DYRK1A: variants seen among roughly 807,000 people sequenced by gnomAD.
DYRK1A encodes dual specificity tyrosine phosphorylation regulated kinase 1A, also known as dual specificity tyrosine-phosphorylation-regulated kinase 1A.
Under a neutral mutation model 79.7 loss-of-function variants are expected in DYRK1A, and 9 were observed. The ratio of observed to expected loss-of-function variants is 0.11; its 90% CI spans 0.07 to 0.20. The LOEUF is 0.20. Among genes scored for constraint, DYRK1A ranks in the 10% least tolerant of loss-of-function variants. DYRK1A has a pLI of 1.00. For synonymous variants in DYRK1A, 349 were observed against 329.7 expected (o/e 1.06, Z -0.63); for missense variants, 622 against 956.0 (o/e 0.65, Z 4.61).
chr21:37,512,508 CAG>C lies in DYRK1A; in HGVS notation c.2245_2246del (p.Pro750CysfsTer3). The C allele has an allele frequency of 6.2e-7, 1 of 1,613,816 alleles. No homozygotes were observed. Among genetic ancestry groups the C allele is most frequent in the Non-Finnish European group, 8.5e-7 (1 of 1,179,708 alleles). On this transcript the variant is annotated frameshift_variant, in exon 12 of 12. Coordinates refer to ENST00000647188, the MANE Select transcript of DYRK1A (RefSeq NM_001347721.2). LOFTEE classifies it high-confidence loss of function. ...ESPMTGVCVQ[Q>X]SPVASS ...CCCCATGACAGGAGTTTGTGTGCAA[CAG>C]AGTCCTGTAGCTAGCTCGTGACTAC...
At chr21:37,464,297 G>A (rs1258101074) in intron 2 of DYRK1A, 1 of 500,996 alleles carries the variant, frequency 2.0e-6, no homozygotes. Flanking sequence ...TGGTAATATG[G>A]TCTCTAGTTA....
intron 2 of DYRK1A, among the ~76,000 whole-genome samples, chr21:37,428,388 ACCTTTTATGTAG>A (rs1261228884): frequency 6.6e-6 from 1 of 152,190 alleles, no homozygotes; most frequent in Non-Finnish European, 1.5e-5. Flanking sequence ...GATGGTGATG[ACCTTTTATGTAG>A]TGTAATATGT....
chr21:37,417,710 G>A (rs577165363), intron 1 of DYRK1A, among the ~76,000 whole-genome samples: 71 of 150,920 alleles, frequency 4.7e-4, no homozygotes, highest in Non-Finnish European at 8.3e-4. Flanking sequence ...CTGAAGATAC[G>A]CTGTAGATTA....
chr21:37,457,260 T>C (rs144851330), intron 2 of DYRK1A, among the ~76,000 whole-genome samples: 4 of 151,908 alleles, frequency 2.6e-5, no homozygotes, highest in African/African-American at 9.7e-5. Context: ...CAAGACAGAG[T>C]CTCACTCTGT....
intron 1 of DYRK1A, among the ~76,000 whole-genome samples, chr21:37,398,799 C>T (rs908537410): frequency 4.6e-5 from 7 of 152,024 alleles, no homozygotes; most frequent in South Asian, 2.1e-4. Flanking sequence ...AGCCCTACAA[C>T]CATAACAGGA....
intron 2 of DYRK1A, among the ~76,000 whole-genome samples, chr21:37,437,123 A>AGAG (rs1246926779): frequency 6.6e-6 from 1 of 152,214 alleles, no homozygotes; most frequent in Non-Finnish European, 1.5e-5. Flanking sequence ...GGTAGATGGT[A>AGAG]GAGGAGACTA....
At chr21:37,494,467 C>A (rs2053198259) in intron 8 of DYRK1A, among the ~76,000 whole-genome samples, 1 of 151,988 alleles carries the variant, frequency 6.6e-6, no homozygotes, top group Admixed American at 6.6e-5. Flanking sequence ...CAGCTACAGG[C>A]CCATAGCCCT....
rs2148668195 is a variant in DYRK1A, at chr21:37,515,239, T to C, written c.*2708T>C. ...GAAAAATGTAAACATAGTAAAAATC[T>C]TCCTATGCAATTAAACTGGTCCAGG... On this transcript the variant is annotated 3_prime_UTR_variant, in exon 12 of 12. Transcript: ENST00000647188. 1 of 152,796 alleles carries C rather than the reference T, an allele frequency of 6.5e-6. No individual in the cohort carries two copies. Among genetic ancestry groups the C allele is most frequent in the South Asian group, 2.1e-4 (1 of 4,826 alleles). 9.5% of individuals were successfully genotyped at this position (152,796 alleles called of 1,614,324 possible).
At chr21:37,475,231 A>G (rs1341701785) in intron 3 of DYRK1A, among the ~76,000 whole-genome samples, 2 of 152,192 alleles carry the variant, frequency 1.3e-5, no homozygotes, top group Non-Finnish European at 2.9e-5. Context: ...CTTCCCTTTT[A>G]TTAGGTTACT....
intron 1 of DYRK1A, among the ~76,000 whole-genome samples, chr21:37,378,778 A>C (rs534218152): frequency 2.4e-4 from 36 of 152,302 alleles, no homozygotes; most frequent in Middle Eastern, 3.4e-3. Context: ...CAATACAGGA[A>C]AACTTGAACA....
chr21:37,459,657 C>T (rs2051773701), intron 2 of DYRK1A, among the ~76,000 whole-genome samples: 1 of 152,098 alleles, frequency 6.6e-6, no homozygotes, highest in South Asian at 2.1e-4. Flanking sequence ...AATTGAAATT[C>T]TGATTTCTAT....
At chr21:37,432,387 G>A (rs982423923) in intron 2 of DYRK1A, among the ~76,000 whole-genome samples, 38 of 152,140 alleles carry the variant, frequency 2.5e-4, no homozygotes, top group Non-Finnish European at 5.1e-4. Flanking sequence ...AAAGAAGCAG[G>A]ATTGCCCTTA....
In DYRK1A at chr21:37,464,308, T is replaced by C. The variant is rs548593323; in HGVS notation, c.11-8376T>C. 7.0e-5 allele frequency: 35 copies of C among 500,642 alleles called. No individual in the cohort carries two copies. In the East Asian group the frequency reaches 2.0e-3, roughly 29 times the overall value. 31.0% of individuals were successfully genotyped at this position (500,642 alleles called of 1,614,324 possible). On this transcript the variant is annotated intron_variant, in intron 2 of 11. Transcript: ENST00000647188. ...ATACTGGTAATATGGTCTCTAGTTATTATAGTTCCTTGCTAGAACATAGTA... is the reference window on the plus strand; with the variant it reads ...ATACTGGTAATATGGTCTCTAGTTACTATAGTTCCTTGCTAGAACATAGTA...
At chr21:37,455,611 C>T (rs1239633998) in intron 2 of DYRK1A, among the ~76,000 whole-genome samples, 2 of 152,156 alleles carry the variant, frequency 1.3e-5, no homozygotes, top group Non-Finnish European at 1.5e-5. Context: ...CTCAGAGTGT[C>T]TCTTCATGCA....
intron 1 of DYRK1A, among the ~76,000 whole-genome samples, chr21:37,382,043 T>C (rs2049668211): frequency 6.6e-6 from 1 of 152,062 alleles, no homozygotes; most frequent in Non-Finnish European, 1.5e-5. Flanking sequence ...GAATATAGTT[T>C]TATAACCTTT....
At chr21:37,370,437 A>C (rs896933962) in intron 1 of DYRK1A, among the ~76,000 whole-genome samples, 8 of 152,176 alleles carry the variant, frequency 5.3e-5, no homozygotes, top group African/African-American at 1.9e-4. Context: ...ATTGCCTTAT[A>C]ATCTTGTGCC....
In DYRK1A at chr21:37,495,152, TTGTGTGTGTGTGTGTG is replaced by T. The variant is rs56226706; in HGVS notation, c.1072-931_1072-916del. Among the ~76,000 whole-genome samples the T allele has an allele frequency of 8.3e-3, 1,136 of 137,668 alleles. 7 individuals are homozygous for T. The highest frequency in any genetic ancestry group is 0.011 in the Middle Eastern group (3 of 262). The allele number at this position is 137,668 out of a possible 152,430, so 90.3% of individuals were successfully genotyped here. A position where few individuals can be genotyped will look rare whatever the true frequency, so the allele number is the denominator to read the frequency against. ...CATACTTTATTAAGCCTCTGGGATT[TTGTGTGTGTGTGTGTG>T]TGTGTGTGTGTGTGTGTGTGTGTGT... On this transcript the variant is annotated intron_variant, in intron 8 of 11. Transcript: ENST00000647188.
chr21:37,464,683 T>C (rs1029509650), intron 2 of DYRK1A, among the ~76,000 whole-genome samples: 7 of 152,218 alleles, frequency 4.6e-5, no homozygotes, highest in African/African-American at 1.7e-4. Context: ...GATTATATAA[T>C]ACGGTAGATA....
chr21:37,370,856 A>G (rs183589631), intron 1 of DYRK1A, among the ~76,000 whole-genome samples: 76 of 152,340 alleles, frequency 5.0e-4, no homozygotes, highest in Non-Finnish European at 9.4e-4. Flanking sequence ...ATGTTTCCTG[A>G]AACTTGATAC....
Sources: allele counts gnomAD v4.1 joint callset (sites outside exome capture counted in the v4.1 genomes callset), GRCh38; gene constraint gnomAD v4.1.1; transcripts MANE v1.5; gene names NCBI Gene and HGNC (gene_info 2026-07-23, HGNC 2026-07-21).